The following TLK1 variants were observed in gnomAD, a reference collection of about 807,000 sequenced individuals.
TLK1 encodes the protein serine/threonine-protein kinase tousled-like 1.
Under a neutral mutation model 105.3 loss-of-function variants are expected in TLK1, and 24 were observed. The ratio of observed to expected loss-of-function variants is 0.23; its 90% CI spans 0.17 to 0.32. TLK1 has a LOEUF of 0.32. Among genes scored for constraint, TLK1 ranks in the 10% least tolerant of loss-of-function variants. TLK1 has a pLI of 1.00. For missense variants in TLK1, 558 were observed against 910.5 expected (o/e 0.61, Z 4.98); for synonymous variants, 321 against 310.4 (o/e 1.03, Z -0.36).
chr2:171,094,126 T>C (rs1689354206), intron 2 of TLK1, among the ~76,000 whole-genome samples: 1 of 152,112 alleles, frequency 6.6e-6, no homozygotes, highest in South Asian at 2.1e-4. Context: ...AGGTCTTTTA[T>C]AAGTATATTA....
chr2:171,058,172 G>A lies in TLK1; in HGVS notation c.432C>T (p.His144=), dbSNP rs1442422469. 4 of 1,613,416 alleles carry A rather than the reference G, an allele frequency of 2.5e-6. No homozygotes were observed. Among genetic ancestry groups the A allele is most frequent in the Non-Finnish European group, 3.4e-6 (4 of 1,179,584 alleles). ...SQGKSIGGRG[H]KISDYFEYQG... ...TTACTTCAAAATAGTCGCTAATTTT[G>A]TGGCCACGTCCCCCAATACTTTTTC... Residue 144 remains histidine, a synonymous_variant, in exon 5 of 21, where the codon CAC becomes CAT. Transcript: ENST00000431350.
intron 1 of TLK1, among the ~76,000 whole-genome samples, chr2:171,193,699 CATT>C (rs1172686290): frequency 0.015 from 1,498 of 103,140 alleles, 86 homozygotes; most frequent in African/African-American, 0.03. Context: ...CAGCGCCTGG[CATT>C]TTTTTTTTTT....
At chr2:171,094,945 A>G (rs1037013086) in intron 2 of TLK1, among the ~76,000 whole-genome samples, 4 of 152,180 alleles carry the variant, frequency 2.6e-5, no homozygotes, top group African/African-American at 9.7e-5. Flanking sequence ...AGAGGGTAGC[A>G]GATACAGGTT....
chr2:171,125,857 T>C lies in TLK1; in HGVS notation c.140-8000A>G, dbSNP rs552864516. 5.9e-5 allele frequency among the ~76,000 whole-genome samples: 9 copies of C among 152,286 alleles called. No individual in the cohort carries two copies. In the East Asian group the frequency reaches 1.5e-3, roughly 26 times the overall value. On this transcript the variant is annotated intron_variant, in intron 1 of 20. Coordinates refer to ENST00000431350, the MANE Select transcript of TLK1 (RefSeq NM_012290.5). ...TATTCTTTTTTGATGTTTTTAGCCA[T>C]GTAAAAATAGGTAAGTTTGCTTACT...
At chr2:171,142,952 T>G (rs926944335) in intron 1 of TLK1, among the ~76,000 whole-genome samples, 1 of 152,180 alleles carries the variant, frequency 6.6e-6, no homozygotes, top group African/African-American at 2.4e-5. Context: ...CTCACACCTG[T>G]AATCCCAGCT....
At chr2:171,000,021 G>A (rs147201411) in intron 18 of TLK1, among the ~76,000 whole-genome samples, 16 of 152,150 alleles carry the variant, frequency 1.1e-4, no homozygotes, top group African/African-American at 3.6e-4. Flanking sequence ...GGGATCAGAG[G>A]CATGAGTGAG....
intron 10 of TLK1, among the ~76,000 whole-genome samples, chr2:171,048,631 C>CTT (rs1490341253): frequency 1.3e-5 from 2 of 151,210 alleles, no homozygotes; most frequent in South Asian, 4.2e-4. Flanking sequence ...GAATTGAAAC[C>CTT]CAAACTCTCT....
At chr2:171,164,958 C>G (rs10183909), upstream of TLK1, among the ~76,000 whole-genome samples, 1 of 151,598 alleles carries the variant, frequency 6.6e-6, no homozygotes, top group Non-Finnish European at 1.5e-5. Context: ...CCACCTCTAT[C>G]TAAAAAAAAG....
intron 1 of TLK1, among the ~76,000 whole-genome samples, chr2:171,180,830 T>C (rs1692915566): frequency 1.3e-5 from 2 of 151,960 alleles, no homozygotes; most frequent in South Asian, 2.1e-4. Flanking sequence ...ATGCTTTTTT[T>C]TTTTTTTTTT....
At position 170,997,787 on chromosome 2, in the gene TLK1, C is replaced by T; in HGVS notation, c.1941G>A (p.Glu647=). The T allele has an allele frequency of 6.2e-7, 1 of 1,610,816 alleles. No homozygotes were observed. ...LPPECFVVGK[E]PPKISNKVDV... is the part of the protein sequence containing the mutation. ...CAACCTTGTTGGAAATCTTTGGTGG[C>T]TCTTTTCCAACTACAAAACACTCAG... The change falls in exon 19 of 21, where the codon GAG becomes GAA. Residue 647 remains glutamate (E), a synonymous_variant. Coordinates refer to ENST00000431350, the MANE Select transcript of TLK1 (RefSeq NM_012290.5).
intron 2 of TLK1, among the ~76,000 whole-genome samples, chr2:171,094,248 TTAG>T (rs1229432485): frequency 2.0e-5 from 3 of 152,076 alleles, no homozygotes; most frequent in African/African-American, 7.2e-5. Flanking sequence ...AGAAATGAAA[TTAG>T]TAGTCTAGAA....
chr2:171,162,364 C>T (rs1692525808), upstream of TLK1, among the ~76,000 whole-genome samples: 1 of 152,160 alleles, frequency 6.6e-6, no homozygotes. Context: ...ATGGTGAAAC[C>T]CCATCTCTAC....
At position 171,020,595 on chromosome 2, in the gene TLK1, AAC is replaced by A. The variant is rs573403785; in HGVS notation, c.1237-5649_1237-5648del. On this transcript the variant is annotated intron_variant, in intron 12 of 20. Coordinates refer to ENST00000431350, the MANE Select transcript of TLK1 (RefSeq NM_012290.5). ...ATTAAAAGGAAGGGCAGTGCAAAAAAACAATTAAGGAGAAAATTACTAATTTA... is the reference window on the plus strand; with the variant it reads ...ATTAAAAGGAAGGGCAGTGCAAAAAAAATTAAGGAGAAAATTACTAATTTA... Among the ~76,000 whole-genome samples, 19 of 152,222 alleles carry A rather than the reference AAC, an allele frequency of 1.2e-4. No homozygotes were observed. In the South Asian group the frequency reaches 3.5e-3, roughly 28 times the overall value.
intron 1 of TLK1, among the ~76,000 whole-genome samples, chr2:171,150,337 T>C (rs1691982070): frequency 6.6e-6 from 1 of 152,268 alleles, no homozygotes; most frequent in African/African-American, 2.4e-5. Context: ...TCATTATCTA[T>C]GACAGTTATA....
intron 2 of TLK1, among the ~76,000 whole-genome samples, chr2:171,114,093 T>C (rs966404551): frequency 3.9e-5 from 6 of 152,182 alleles, no homozygotes; most frequent in Non-Finnish European, 8.8e-5. Context: ...ATCTTACATA[T>C]CTTATTTTTC....
chr2:171,027,399 T>C (rs940496080), intron 12 of TLK1, among the ~76,000 whole-genome samples: 2 of 152,194 alleles, frequency 1.3e-5, no homozygotes, highest in Admixed American at 6.5e-5. Context: ...TCTGAAATCA[T>C]TTGAACTAAA....
intron 1 of TLK1, among the ~76,000 whole-genome samples, chr2:171,140,368 G>T (rs1488239185): frequency 6.6e-6 from 1 of 152,180 alleles, no homozygotes; most frequent in East Asian, 1.9e-4. Context: ...GTAAAGAAAT[G>T]GGGCCAGAAT....
chr2:171,186,206 G>C (rs898597960), intron 1 of TLK1, among the ~76,000 whole-genome samples: 1 of 152,170 alleles, frequency 6.6e-6, no homozygotes, highest in African/African-American at 2.4e-5. Flanking sequence ...ATTTTGATAG[G>C]AATAATCCTC....
chr2:171,037,086 A>C (rs1006529587), intron 11 of TLK1, among the ~76,000 whole-genome samples: 4 of 152,142 alleles, frequency 2.6e-5, no homozygotes, highest in African/African-American at 9.7e-5. Context: ...AGAAAAGGTA[A>C]TATCTGAACT....
Sources: allele counts gnomAD v4.1 joint callset (sites outside exome capture counted in the v4.1 genomes callset), GRCh38; gene constraint gnomAD v4.1.1; transcripts MANE v1.5; gene names NCBI Gene and HGNC (gene_info 2026-07-23, HGNC 2026-07-21).